EYA2: variants seen among roughly 807,000 people sequenced by gnomAD.
EYA2 encodes EYA transcriptional coactivator and phosphatase 2.
A neutral mutation model predicts 69.2 loss-of-function variants in EYA2; 31 were observed. The ratio of observed to expected loss-of-function variants is 0.45; its 90% confidence interval spans 0.34 to 0.60. The LOEUF is 0.60. Among genes scored for constraint, EYA2 ranks in the 20% least tolerant of loss-of-function variants. EYA2 has a pLI of 0.02. For synonymous variants in EYA2, 257 were observed against 279.4 expected (o/e 0.92, Z 0.80); for missense variants, 622 against 701.2 (o/e 0.89, Z 1.28).
At chr20:47,042,471 AG>A (rs1424842627) in intron 5 of EYA2, among the ~76,000 whole-genome samples, 6 of 152,358 alleles carry the variant, frequency 3.9e-5, no homozygotes, top group Admixed American at 3.9e-4. Flanking sequence ...TTAAGGCTTA[AG>A]TCTGGGTTCT....
At chr20:47,097,000 C>A in intron 8 of EYA2, 85 bp from the exon 9 acceptor site, 1 of 988,494 alleles carries the variant, frequency 1.0e-6, no homozygotes, top group Non-Finnish European at 1.6e-6. Flanking sequence ...ACTTCTTTTC[C>A]TCCAAGGGAA....
At chr20:47,095,960 A>C (rs2032234353) in intron 8 of EYA2, 1 of 152,222 alleles carries the variant, frequency 6.6e-6, no homozygotes, top group Admixed American at 6.5e-5. Context: ...TCCACATTGG[A>C]GGTTTCTATC....
chr20:47,161,021 C>G (rs755402571), intron 10 of EYA2: 16 of 320,852 alleles, frequency 5.0e-5, no homozygotes, highest in Non-Finnish European at 9.4e-5. Flanking sequence ...TCAAAGGTGG[C>G]CTTGGCGAAG....
chr20:47,140,669 TTGA>T (rs546540687), intron 9 of EYA2, among the ~76,000 whole-genome samples: 114 of 152,344 alleles, frequency 7.5e-4, no homozygotes, highest in African/African-American at 2.7e-3. Context: ...TTGTATGGCC[TTGA>T]ACAAGTTGCC....
intron 5 of EYA2, among the ~76,000 whole-genome samples, chr20:47,050,456 A>G (rs886496805): frequency 1.3e-5 from 2 of 152,174 alleles, no homozygotes; most frequent in Non-Finnish European, 2.9e-5. Flanking sequence ...CAGGAGTGGG[A>G]AAGAAAAGCA....
At chr20:47,100,320 A>G (rs1024960295) in intron 9 of EYA2, among the ~76,000 whole-genome samples, 1 of 152,214 alleles carries the variant, frequency 6.6e-6, no homozygotes, top group African/African-American at 2.4e-5. Context: ...GAAATCTGGC[A>G]ATCCTGCATT....
At chr20:47,057,103 G>T (rs1173519720) in intron 5 of EYA2, among the ~76,000 whole-genome samples, 1 of 143,164 alleles carries the variant, frequency 7.0e-6, no homozygotes, top group Non-Finnish European at 1.5e-5. Context: ...AAGGAAGGAG[G>T]GAGGGAGGGA....
chr20:46,997,765 A>C (rs897596848), intron 2 of EYA2: 1 of 152,374 alleles, frequency 6.6e-6, no homozygotes, highest in African/African-American at 2.4e-5. Context: ...GGCAGCAACA[A>C]GGTTGAGAAC....
chr20:46,952,954 T>C lies in EYA2; in HGVS notation c.-10-37047T>C, dbSNP rs1978894929. 2.0e-5 allele frequency among the ~76,000 whole-genome samples: 3 copies of C among 152,360 alleles called. No homozygotes were observed. The South Asian group carries it at 6.2e-4, about 32-fold the overall frequency. On this transcript the variant is annotated intron_variant, in intron 1 of 15. Transcript: ENST00000327619. ...TAAACACATGAAAAATGAGACTTCCTGAAACATTCCTATTTCACCCTGTGA... is the reference window on the plus strand; with the variant it reads ...TAAACACATGAAAAATGAGACTTCCCGAAACATTCCTATTTCACCCTGTGA...
chr20:47,101,085 ATTTTTATTAATT>A (rs1456527734), intron 9 of EYA2, among the ~76,000 whole-genome samples: 3 of 151,734 alleles, frequency 2.0e-5, no homozygotes, highest in Admixed American at 2.0e-4. Context: ...TTTTTTTATT[ATTTTTATTAATT>A]TTTTTAGAGA....
Position 47,089,489 on chromosome 20 carries a change from C to T in EYA2, c.804+108C>T, listed in dbSNP as rs998244187. ...AAGTACGAGGCGGAGAATCGCCCTT[C>T]GTGTTTTACAAAGCATGAGCAGGGA... is the stretch of plus-strand genomic sequence containing the variant. On this transcript the variant is annotated intron_variant, in intron 8 of 15. Coordinates refer to ENST00000327619, the MANE Select transcript of EYA2 (RefSeq NM_005244.5). 1.4e-5 allele frequency: 18 copies of T among 1,308,992 alleles called. No individual in the cohort carries two copies. In the South Asian group the frequency reaches 2.2e-4, roughly 16 times the overall value. The allele number at this position is 1,308,992 out of a possible 1,614,324, so 81.1% of individuals were successfully genotyped here.
chr20:47,164,412 C>T (rs78253229), intron 10 of EYA2, among the ~76,000 whole-genome samples: 2,818 of 152,308 alleles, frequency 0.019, 98 homozygotes, highest in African/African-American at 0.064. Context: ...GCATGGAACC[C>T]TGCCCAGAGG....
intron 9 of EYA2, among the ~76,000 whole-genome samples, chr20:47,098,190 G>T (rs537055301): frequency 6.6e-6 from 1 of 152,184 alleles, no homozygotes; most frequent in African/African-American, 2.4e-5. Context: ...TAGGAATGCC[G>T]TTAATATGTC....
chr20:47,018,946 A>G lies in EYA2; in HGVS notation c.415+2649A>G, dbSNP rs115926172. 3.4e-3 allele frequency among the ~76,000 whole-genome samples: 523 copies of G among 152,320 alleles called. 3 individuals are homozygous for G. The highest frequency in any genetic ancestry group is 0.012 in the African/African-American group (501 of 41,564). Reference sequence around the variant, plus strand: ...CCAGGAACTGTCCTAATGTCTGCACATAAACATGCGGCTTAATCTCCCCAG... The same window carrying G: ...CCAGGAACTGTCCTAATGTCTGCACGTAAACATGCGGCTTAATCTCCCCAG... On this transcript the variant is annotated intron_variant, in intron 5 of 15. Transcript: ENST00000327619.
intron 1 of EYA2, among the ~76,000 whole-genome samples, chr20:46,897,037 A>G (rs970346499): frequency 1.3e-5 from 2 of 152,222 alleles, no homozygotes; most frequent in African/African-American, 2.4e-5. Flanking sequence ...TTCATCACGT[A>G]AGTTTTAGAA....
intron 9 of EYA2, among the ~76,000 whole-genome samples, chr20:47,123,981 C>CAAAAAAAA (rs369234559): frequency 7.9e-6 from 1 of 127,002 alleles, no homozygotes. Context: ...GATTCCATCT[C>CAAAAAAAA]AAAAAAAAAA....
chr20:46,906,127 G>A (rs186944953), intron 1 of EYA2, among the ~76,000 whole-genome samples: 13 of 152,220 alleles, frequency 8.5e-5, no homozygotes, highest in Admixed American at 4.6e-4. Context: ...AAAAGCATTT[G>A]AAACAAATGG....
intron 7 of EYA2, among the ~76,000 whole-genome samples, chr20:47,078,327 G>GTGCA (rs1555821915): frequency 5.1e-5 from 4 of 78,100 alleles, no homozygotes; most frequent in Non-Finnish European, 7.3e-5. Context: ...GTGCGCGCGC[G>GTGCA]CGCGCACACA....
chr20:46,980,898 C>T (rs1387284651), intron 1 of EYA2, among the ~76,000 whole-genome samples: 1 of 152,182 alleles, frequency 6.6e-6, no homozygotes, highest in African/African-American at 2.4e-5. Flanking sequence ...ACATAACGAC[C>T]TCCAGTTCCA....
Sources: gnomAD v4.1 joint callset for allele counts (sites outside exome capture counted in the v4.1 genomes callset) on GRCh38, gnomAD v4.1.1 for gene constraint, MANE v1.5 for transcripts, NCBI Gene and HGNC (gene_info 2026-07-23, HGNC 2026-07-21) for gene names.